OXNAD1: variants seen among roughly 807,000 people sequenced by gnomAD.
OXNAD1 encodes the protein oxidoreductase NAD binding domain containing 1.
In OXNAD1, 34 loss-of-function variants were observed where a neutral mutation model predicts 32.9. The ratio of observed to expected loss-of-function variants is 1.03; its 90% CI spans 0.79 to 1.38. OXNAD1 has a LOEUF of 1.38. Among genes scored for constraint, OXNAD1 ranks in the 40% most tolerant of loss-of-function variants. The pLI, the probability that OXNAD1 is intolerant of heterozygous loss-of-function variation, is 0.00. For missense variants in OXNAD1, 407 were observed against 379.4 expected (o/e 1.07, Z -0.60); for synonymous variants, 134 against 135.2 (o/e 0.99, Z 0.06).
chr3:16,319,858 AC>A (rs1301364031), intron 9 of OXNAD1, among the ~76,000 whole-genome samples: 1 of 152,210 alleles, frequency 6.6e-6, no homozygotes, highest in African/African-American at 2.4e-5. Flanking sequence ...CATCCACACC[AC>A]TTAAAGGCAG....
rs2068056301 is a variant in OXNAD1 at position 16,312,687 on chromosome 3, C to G, written c.*30+9095C>G. On this transcript the variant is annotated intron_variant, in intron 9 of 9. Coordinates refer to the OXNAD1 transcript ENST00000435829. This position sits in a 1 kb window ranked among gnomAD's most constrained non-coding sequence, Gnocchi z 4.7. ...GCACTGTCTACACCTGAGAGCTATT[C>G]CTGAACGATTTTGTGGTTTAGAGAG... Among the ~76,000 whole-genome samples, 1 of 152,146 alleles carries G rather than the reference C, an allele frequency of 6.6e-6. No individual in the cohort carries two copies. Among genetic ancestry groups the G allele is most frequent in the Non-Finnish European group, 1.5e-5 (1 of 68,038 alleles).
rs1293722083 is a variant in OXNAD1, at chr3:16,289,416, A to G, written c.290+2968A>G. On this transcript the variant is annotated intron_variant, in intron 5 of 8. Transcript: ENST00000285083. The surrounding 1 kb of genome is among the most constrained non-coding windows in gnomAD (Gnocchi z 4.9). Reference sequence around the variant, plus strand: ...AGGCCAAAGCATTTTCACAGAGTGGAGGGAATTCCTGGTCCTAGTGTGTCT... The same window carrying G: ...AGGCCAAAGCATTTTCACAGAGTGGGGGGAATTCCTGGTCCTAGTGTGTCT... Among the ~76,000 whole-genome samples, 1 of 152,190 alleles carries G rather than the reference A, an allele frequency of 6.6e-6. No homozygotes were observed. Among genetic ancestry groups the G allele is most frequent in the Non-Finnish European group, 1.5e-5 (1 of 68,020 alleles).
At chr3:16,293,736 C>A (rs534590415) in intron 5 of OXNAD1, among the ~76,000 whole-genome samples, 1 of 152,256 alleles carries the variant, frequency 6.6e-6, no homozygotes, top group East Asian at 1.9e-4. Flanking sequence ...AATCTTGTTT[C>A]TCTTAGGGGG....
At chr3:16,274,176 A>C (rs1339169875) in intron 4 of OXNAD1, among the ~76,000 whole-genome samples, 3 of 151,328 alleles carry the variant, frequency 2.0e-5, no homozygotes, top group Admixed American at 1.3e-4. Context: ...CTAAAAAAAA[A>C]AAAAAAAACA....
At position 16,287,244 on chromosome 3, in the gene OXNAD1, T is replaced by C. The variant is rs374591308; in HGVS notation, c.290+796T>C. 3.2e-4 allele frequency among the ~76,000 whole-genome samples: 48 copies of C among 152,340 alleles called. No individual in the cohort carries two copies. The highest frequency in any genetic ancestry group is 2.7e-3 in the East Asian group (14 of 5,188). ...AAATGGATTTCTGGCATGTCAGTCT[T>C]GATAGTGTTTCTTAGGAGTCACTTG... On this transcript the variant is annotated intron_variant, in intron 5 of 8. Transcript: ENST00000285083. The surrounding 1 kb of genome is among the most constrained non-coding windows in gnomAD (Gnocchi z 4.8).
intron 4 of OXNAD1, among the ~76,000 whole-genome samples, chr3:16,285,734 T>C (rs576007099): frequency 1.9e-4 from 29 of 152,302 alleles, no homozygotes; most frequent in African/African-American, 6.7e-4. Flanking sequence ...TTATAAAATA[T>C]CGTGTGATAA....
chr3:16,285,963 C>T (rs560317584), intron 4 of OXNAD1, among the ~76,000 whole-genome samples: 23 of 152,236 alleles, frequency 1.5e-4, no homozygotes, highest in African/African-American at 4.6e-4. Flanking sequence ...GAGAATTTAA[C>T]GGCAGCTCCT....
downstream of OXNAD1, among the ~76,000 whole-genome samples, chr3:16,309,350 ATAAAATGCC>A (rs2067794639): frequency 6.6e-6 from 1 of 152,246 alleles, no homozygotes; most frequent in Non-Finnish European, 1.5e-5. Context: ...AAGTTACCCT[ATAAAATGCC>A]TAATCAGTTT....
At position 16,302,528 on chromosome 3, in the gene OXNAD1, C is replaced by CGAGA. The variant is rs1200558885; in HGVS notation, c.676-110_676-107dup. 1 of 703,544 alleles carries CGAGA rather than the reference C, an allele frequency of 1.4e-6. No homozygotes were observed. Among genetic ancestry groups the CGAGA allele is most frequent in the Non-Finnish European group, 2.5e-6 (1 of 402,920 alleles). The allele number at this position is 703,544 out of a possible 1,614,324, so 43.6% of individuals were successfully genotyped here. A position where few individuals can be genotyped will look rare whatever the true frequency, so the allele number is the denominator to read the frequency against. On this transcript the variant is annotated intron_variant, in intron 7 of 8. Coordinates refer to ENST00000285083, the MANE Select transcript of OXNAD1 (RefSeq NM_138381.5). The surrounding 1 kb of genome is among the most constrained non-coding windows in gnomAD (Gnocchi z 4.2). ...AAACAATATCTCTCTAAGTAGAGAGCGAGAGCGGCAGACGTGTGCAGAATG... is the reference window on the plus strand; with the variant it reads ...AAACAATATCTCTCTAAGTAGAGAGCGAGAGAGAGCGGCAGACGTGTGCAGAATG...
chr3:16,326,835 C>G (rs377108354), intron 9 of OXNAD1: 1 of 1,613,954 alleles, frequency 6.2e-7, no homozygotes, highest in South Asian at 1.1e-5. Context: ...AGGCCGCCAG[C>G]GAGTTCAGCA....
chr3:16,306,715 C>T (rs970034181), downstream of OXNAD1, among the ~76,000 whole-genome samples: 4 of 152,186 alleles, frequency 2.6e-5, no homozygotes, highest in Non-Finnish European at 5.9e-5. Flanking sequence ...ATCCTCTCTC[C>T]TCTGTATTTC....
At chr3:16,351,329 G>T (rs75859147), downstream of OXNAD1, among the ~76,000 whole-genome samples, 2,366 of 152,244 alleles carry the variant, frequency 0.016, 55 homozygotes, top group African/African-American at 0.055. The surrounding 1 kb of genome is among the most constrained non-coding windows in gnomAD (Gnocchi z 5.4). Context: ...AAGCCTTCAG[G>T]GAAGCCAAGG....
chr3:16,329,110 C>G lies in OXNAD1; in HGVS notation c.*31-8002C>G, dbSNP rs1232942736. Among the ~76,000 whole-genome samples, 2 of 152,204 alleles carry G rather than the reference C, an allele frequency of 1.3e-5. No individual in the cohort carries two copies. Among genetic ancestry groups the G allele is most frequent in the Non-Finnish European group, 2.9e-5 (2 of 68,036 alleles). ...ACTCTTGTGAATGGGTTAATGCCAA[C>G]TCAGGCAAAGGGCTTGAGGCTACAA... On this transcript the variant is annotated intron_variant, in intron 9 of 9. Coordinates refer to the OXNAD1 transcript ENST00000435829. This position sits in a 1 kb window ranked among gnomAD's most constrained non-coding sequence, Gnocchi z 4.5.
At chr3:16,300,758 C>T (rs1365334188) in intron 6 of OXNAD1, among the ~76,000 whole-genome samples, 2 of 152,114 alleles carry the variant, frequency 1.3e-5, no homozygotes, top group South Asian at 2.1e-4. Context: ...TCACAAAATT[C>T]CTGTAGATTT....
chr3:16,347,962 C>G (rs542689365), intron 9 of OXNAD1: 1 of 152,250 alleles, frequency 6.6e-6, no homozygotes, highest in East Asian at 1.9e-4. Flanking sequence ...AGAAGCAGCC[C>G]AGGAAGGACA....
At chr3:16,339,059 G>A (rs983038737), downstream of OXNAD1, among the ~76,000 whole-genome samples, 6 of 152,154 alleles carry the variant, frequency 3.9e-5, no homozygotes, top group South Asian at 2.1e-4. Flanking sequence ...AGCTAACAAC[G>A]AACAGAGCCA....
Position 16,303,299 on chromosome 3 carries a change from C to G in OXNAD1, c.785-109C>G. 1 of 1,279,782 alleles carries G rather than the reference C, an allele frequency of 7.8e-7. No homozygotes were observed. The highest frequency in any genetic ancestry group is 1.1e-6 in the Non-Finnish European group (1 of 909,256). The allele number at this position is 1,279,782 out of a possible 1,614,324, so 79.3% of individuals were successfully genotyped here. On this transcript the variant is annotated intron_variant, in intron 8 of 8. Transcript: ENST00000285083. The surrounding 1 kb of genome is among the most constrained non-coding windows in gnomAD (Gnocchi z 4.8). Reference sequence around the variant, plus strand: ...CTGTGAATGGCTTAAGAAGACTAGACTCACTGAACTTGGAAATAAACACTG... The same window carrying G: ...CTGTGAATGGCTTAAGAAGACTAGAGTCACTGAACTTGGAAATAAACACTG...
At chr3:16,340,161 G>C (rs2071218391), downstream of OXNAD1, among the ~76,000 whole-genome samples, 1 of 152,218 alleles carries the variant, frequency 6.6e-6, no homozygotes, top group African/African-American at 2.4e-5. Context: ...ACGCATTACA[G>C]AGGGTCCTAT....
chr3:16,306,519 C>T (rs772365029), downstream of OXNAD1, among the ~76,000 whole-genome samples: 1 of 150,638 alleles, frequency 6.6e-6, no homozygotes, highest in Non-Finnish European at 1.5e-5. Flanking sequence ...CTCAAAAGTC[C>T]GAATATTGCA....
Sources: allele counts gnomAD v4.1 joint callset (sites outside exome capture counted in the v4.1 genomes callset), GRCh38; gene constraint gnomAD v4.1.1; non-coding constraint Gnocchi (gnomAD v3.1); transcripts MANE v1.5; gene names NCBI Gene and HGNC (gene_info 2026-07-23, HGNC 2026-07-21).